Variants in PEX5L observed in about 807,000 individuals in gnomAD.
PEX5L encodes peroxisomal biogenesis factor 5 like, also known as PEX5-related protein.
PEX5L carries 30 observed loss-of-function variants against 84.0 expected under a neutral mutation model. That is an observed-to-expected ratio of 0.36 (90% CI 0.27 to 0.48). PEX5L has a LOEUF of 0.48. Among genes scored for constraint, PEX5L ranks in the 20% least tolerant of loss-of-function variants. The pLI is 0.99. For missense variants in PEX5L, 533 were observed against 754.6 expected (o/e 0.71, Z 3.44); for synonymous variants, 270 against 283.1 (o/e 0.95, Z 0.46).
intron 1 of PEX5L, among the ~76,000 whole-genome samples, chr3:180,005,212 A>T (rs544249129): frequency 2.0e-5 from 3 of 152,316 alleles, no homozygotes; most frequent in East Asian, 3.9e-4. Flanking sequence ...ACTTCTGAAA[A>T]TAGCTAAGTG....
At chr3:180,030,798 T>C (rs533255058) in intron 1 of PEX5L, among the ~76,000 whole-genome samples, 1 of 152,308 alleles carries the variant, frequency 6.6e-6, no homozygotes, top group Admixed American at 6.5e-5. Context: ...AGGGTTTATC[T>C]GGTTTTCCAG....
rs183838820 is a variant in PEX5L at position 179,949,219 on chromosome 3, A to T, written c.93+22375T>A. 2.7e-3 allele frequency among the ~76,000 whole-genome samples: 406 copies of T among 150,124 alleles called. 1 individual carries two copies. The highest frequency in any genetic ancestry group is 4.5e-3 in the Non-Finnish European group (303 of 67,934). On this transcript the variant is annotated intron_variant, in intron 2 of 14. Coordinates refer to ENST00000467460, the MANE Select transcript of PEX5L (RefSeq NM_016559.3). ...TACAGAACTGAAGAGTAGATTTTTA[A>T]AAAAAAAATAAGTAGTTTTAAAAAC...
intron 2 of PEX5L, among the ~76,000 whole-genome samples, chr3:179,918,482 C>T (rs1479107787): frequency 6.6e-6 from 1 of 152,194 alleles, no homozygotes; most frequent in Admixed American, 6.5e-5. Flanking sequence ...CATTGTGGCA[C>T]AGTAGCTTTT....
intron 2 of PEX5L, among the ~76,000 whole-genome samples, chr3:179,907,473 T>C (rs1043966596): frequency 6.6e-6 from 1 of 152,050 alleles, no homozygotes; most frequent in Non-Finnish European, 1.5e-5. Flanking sequence ...CCACCGTGTT[T>C]GGCTAATTTT....
chr3:179,991,944 A>G (rs915167494), intron 1 of PEX5L, among the ~76,000 whole-genome samples: 4 of 152,212 alleles, frequency 2.6e-5, no homozygotes, highest in African/African-American at 9.6e-5. Context: ...TAGTTCCTAG[A>G]TATTTAATTC....
chr3:179,973,965 C>G, intron 1 of PEX5L: 1 of 985,470 alleles, frequency 1.0e-6, no homozygotes, highest in Non-Finnish European at 1.2e-6. Context: ...CACCCCATAA[C>G]CCCGGGGGGA....
chr3:179,807,187 A>G (rs4855113), intron 14 of PEX5L, among the ~76,000 whole-genome samples: 72,311 of 151,920 alleles, frequency 0.48, 17,984 homozygotes, highest in East Asian at 0.7. Context: ...AACTAACTTG[A>G]TTGGTATATT....
chr3:179,820,230 A>G (rs1426728418), intron 8 of PEX5L: 2 of 494,126 alleles, frequency 4.0e-6, no homozygotes, highest in African/African-American at 1.9e-5. Flanking sequence ...TGCCAAATTC[A>G]GCTAAAAACC....
chr3:179,873,735 G>T (rs1427870120), intron 7 of PEX5L, among the ~76,000 whole-genome samples: 6 of 152,078 alleles, frequency 3.9e-5, no homozygotes, highest in Non-Finnish European at 8.8e-5. Context: ...TTAAAGTGAG[G>T]TTAATAATAA....
intron 2 of PEX5L, among the ~76,000 whole-genome samples, chr3:179,970,799 A>C (rs1784523420): frequency 6.6e-6 from 1 of 152,094 alleles, no homozygotes; most frequent in Non-Finnish European, 1.5e-5. Context: ...CTAATCTCTT[A>C]ATCTACTCAG....
chr3:179,910,743 G>A (rs140346686), intron 2 of PEX5L, among the ~76,000 whole-genome samples: 1 of 152,318 alleles, frequency 6.6e-6, no homozygotes, highest in East Asian at 1.9e-4. Flanking sequence ...AACCCTGGGA[G>A]TGGCAGAATA....
rs1046851651 is a variant in PEX5L, at chr3:179,902,543, T to A, written c.94-4297A>T. ...CTTCACAGAAAAGTAACCTAAGTAT[T>A]TCATATATATACAAACTTCTTTTTT... On this transcript the variant is annotated intron_variant, in intron 2 of 14. Coordinates refer to ENST00000467460, the MANE Select transcript of PEX5L (RefSeq NM_016559.3). 2.3e-5 allele frequency: 7 copies of A among 304,848 alleles called. No homozygotes were observed. In the East Asian group the frequency reaches 5.6e-4, roughly 24 times the overall value. The allele number at this position is 304,848 out of a possible 1,614,324, so 18.9% of individuals were successfully genotyped here. A position where few individuals can be genotyped will look rare whatever the true frequency, so the allele number is the denominator to read the frequency against.
At chr3:179,807,150 G>A (rs777604339) in intron 14 of PEX5L, among the ~76,000 whole-genome samples, 4 of 152,134 alleles carry the variant, frequency 2.6e-5, no homozygotes, top group Non-Finnish European at 4.4e-5. Context: ...TAAACTATAA[G>A]CCCAGTTGTG....
At chr3:179,905,475 G>A (rs1212058054) in intron 2 of PEX5L, among the ~76,000 whole-genome samples, 3 of 152,008 alleles carry the variant, frequency 2.0e-5, no homozygotes, top group Non-Finnish European at 2.9e-5. Flanking sequence ...GGGTTTCACC[G>A]TGTTAGCCAG....
intron 1 of PEX5L, among the ~76,000 whole-genome samples, 160 bp from the exon 2 acceptor site, chr3:179,971,825 T>G (rs1050721157): frequency 2.6e-5 from 4 of 152,222 alleles, no homozygotes; most frequent in African/African-American, 9.6e-5. Flanking sequence ...ATGTTTTTAT[T>G]GTTAAACTGC....
intron 8 of PEX5L, among the ~76,000 whole-genome samples, chr3:179,834,798 T>C (rs937869940): frequency 2.6e-5 from 4 of 152,216 alleles, no homozygotes; most frequent in South Asian, 2.1e-4. Context: ...ATGGGTTGAA[T>C]TGTGTTCCTC....
rs201760522 is a variant in PEX5L, at chr3:179,884,860, GA to G, written c.310+2812del. Among the ~76,000 whole-genome samples, 91 of 152,090 alleles carry G rather than the reference GA, an allele frequency of 6.0e-4. 2 individuals carry two copies. The East Asian group carries it at 0.017, about 28-fold the overall frequency. On this transcript the variant is annotated intron_variant, in intron 4 of 14. Transcript: ENST00000467460. ...TCAGATAATCTAATAGAACTGGGTG[GA>G]AAAAAATTATAATTTAGAACTTCTA... is the stretch of plus-strand genomic sequence containing the variant.
rs529796542 is a variant in PEX5L, at chr3:179,814,871, C to T, written c.1083+990G>A. Among the ~76,000 whole-genome samples, 6 of 152,206 alleles carry T rather than the reference C, an allele frequency of 3.9e-5. No individual in the cohort carries two copies. The South Asian group carries it at 1.0e-3, about 26-fold the overall frequency. On this transcript the variant is annotated intron_variant, in intron 10 of 14. Coordinates refer to ENST00000467460, the MANE Select transcript of PEX5L (RefSeq NM_016559.3). The stretch of plus-strand genomic sequence containing the variant: ...CTTCTTGCCTTCCCTCTACCATTCT[C>T]TCCTCCCCTCTTCCTCTTAACAGGA...
chr3:179,907,319 T>C (rs1029559541), intron 2 of PEX5L, among the ~76,000 whole-genome samples: 3 of 152,102 alleles, frequency 2.0e-5, no homozygotes, highest in African/African-American at 4.8e-5. Context: ...TCCTTTTTTT[T>C]CTTTGTTTTA....
Sources: allele counts gnomAD v4.1 joint callset (sites outside exome capture counted in the v4.1 genomes callset), GRCh38; gene constraint gnomAD v4.1.1; transcripts MANE v1.5; gene names NCBI Gene and HGNC (gene_info 2026-07-23, HGNC 2026-07-21).